The following IGF1R variants were observed in gnomAD, a reference collection of about 807,000 sequenced individuals.
The protein encoded by IGF1R is insulin like growth factor 1 receptor, also known as insulin-like growth factor 1 receptor.
In IGF1R, 44 loss-of-function variants were observed where a neutral mutation model predicts 144.6. That is an observed-to-expected ratio of 0.30 (90% CI 0.24 to 0.39). The LOEUF is 0.39. Ranked by LOEUF, IGF1R falls within the 10% of genes least tolerant of loss-of-function variation. The probability of loss-of-function intolerance (pLI) is 1.00; values close to 1 mark genes in which losing one functional copy is unlikely to be tolerated. For synonymous variants in IGF1R, 795 were observed against 722.8 expected, an observed-to-expected ratio of 1.10 and a Z score of -1.60; for missense variants, 1,355 against 1,833.7, an observed-to-expected ratio of 0.74 and a Z score of 4.77.
intron 20 of IGF1R, 23 bp downstream of exon 20, chr15:98,948,731 G>A (rs772264183): frequency 9.3e-6 from 15 of 1,613,190 alleles, no homozygotes; most frequent in African/African-American, 2.7e-5. Context: ...TGGGCCCTCC[G>A]TGCTCTTCTG....
chr15:98,685,704 G>T, intron 1 of IGF1R, among the ~76,000 whole-genome samples: 1 of 152,246 alleles, frequency 6.6e-6, no homozygotes, highest in Non-Finnish European at 1.5e-5. Flanking sequence ...TGGAACAGGA[G>T]TGTGCAAGAA....
chr15:98,737,964 C>A (rs2054651385), intron 2 of IGF1R, among the ~76,000 whole-genome samples: 1 of 152,158 alleles, frequency 6.6e-6, no homozygotes. Flanking sequence ...GCAGCCGTTC[C>A]CACTGCCTTG....
intron 2 of IGF1R, among the ~76,000 whole-genome samples, chr15:98,728,723 C>A (rs1015385534): frequency 6.6e-6 from 1 of 152,248 alleles, no homozygotes; most frequent in Non-Finnish European, 1.5e-5. Context: ...TCTGCACTCT[C>A]CCGAGGCCAG....
intron 2 of IGF1R, among the ~76,000 whole-genome samples, chr15:98,774,077 C>T (rs1370325284): frequency 6.6e-6 from 1 of 152,160 alleles, no homozygotes; most frequent in African/African-American, 2.4e-5. Flanking sequence ...TCAGAAATAG[C>T]TGAAGAACTA....
intron 4 of IGF1R, among the ~76,000 whole-genome samples, chr15:98,897,838 C>T (rs1021831661): frequency 6.6e-6 from 1 of 151,776 alleles, no homozygotes; most frequent in Non-Finnish European, 1.5e-5. Context: ...GGTCAAGGTA[C>T]TGATAGTTTT....
Position 98,805,291 on chromosome 15 carries a change from C to T in IGF1R, c.641-86034C>T, listed in dbSNP as rs146964931. Among the ~76,000 whole-genome samples the T allele has an allele frequency of 2.3e-3, 343 of 152,256 alleles. 1 individual carries two copies. Among genetic ancestry groups the T allele is most frequent in the African/African-American group, 7.7e-3 (322 of 41,562 alleles). On this transcript the variant is annotated intron_variant, in intron 2 of 20. Transcript: ENST00000650285. ...TTCTGATAGGTCTTATTCTCCTCCC[C>T]ATCCCACACGCTGATTTTTTTTTTC...
intron 1 of IGF1R, among the ~76,000 whole-genome samples, chr15:98,675,389 G>A (rs1279168245): frequency 6.6e-6 from 1 of 152,166 alleles, no homozygotes; most frequent in Non-Finnish European, 1.5e-5. Flanking sequence ...ATTCCTAAAA[G>A]TGGAAAGTAA....
chr15:98,860,321 A>C (rs2012078911), intron 2 of IGF1R, among the ~76,000 whole-genome samples: 1 of 152,234 alleles, frequency 6.6e-6, no homozygotes, highest in South Asian at 2.1e-4. Context: ...TCCTAGTAGA[A>C]ATGTGGATCT....
intron 5 of IGF1R, among the ~76,000 whole-genome samples, chr15:98,899,851 C>T (rs1343917431): frequency 1.3e-5 from 2 of 152,146 alleles, no homozygotes; most frequent in African/African-American, 2.4e-5. Context: ...CTGGATTTTG[C>T]CTCATCAGTC....
In IGF1R at chr15:98,706,122, T is replaced by C. The variant is rs908122576; in HGVS notation, c.95-1440T>C. Among the ~76,000 whole-genome samples, 3 of 152,234 alleles carry C rather than the reference T, an allele frequency of 2.0e-5. No homozygotes were observed. In the South Asian group the frequency reaches 6.2e-4, roughly 32 times the overall value. ...ATTCACATCTAGAGTGGACTCGCTG[T>C]GTGCACACCACTGACCACCTGCCTC... On this transcript the variant is annotated intron_variant, in intron 1 of 20. Coordinates refer to ENST00000650285, the MANE Select transcript of IGF1R (RefSeq NM_000875.5).
In IGF1R at chr15:98,682,195, C is replaced by T. The variant is rs868064174; in HGVS notation, c.95-25367C>T. ...GTTGGAAATGATTTTGAGTAACTTC[C>T]GTCTCCTAAATCATATTAGGACTCT... On this transcript the variant is annotated intron_variant, in intron 1 of 20. Transcript: ENST00000650285. Among the ~76,000 whole-genome samples the T allele has an allele frequency of 3.9e-5, 6 of 152,114 alleles. No individual in the cohort carries two copies. The South Asian group carries it at 8.3e-4, about 21-fold the overall frequency.
intron 2 of IGF1R, among the ~76,000 whole-genome samples, chr15:98,708,685 G>A (rs2053923219): frequency 2.0e-5 from 3 of 152,172 alleles, no homozygotes; most frequent in Non-Finnish European, 4.4e-5. Flanking sequence ...CAGAGCACCT[G>A]GCCCAGGTGG....
chr15:98,652,613 T>C (rs1303683342), intron 1 of IGF1R, among the ~76,000 whole-genome samples: 3 of 152,200 alleles, frequency 2.0e-5, no homozygotes, highest in Non-Finnish European at 4.4e-5. Flanking sequence ...TAAGGTTGAA[T>C]AGATGAAGCT....
intron 2 of IGF1R, among the ~76,000 whole-genome samples, chr15:98,806,628 C>T (rs2056477655): frequency 6.6e-6 from 1 of 152,206 alleles, no homozygotes; most frequent in Non-Finnish European, 1.5e-5. Context: ...GTTTTCAACA[C>T]TGTGAAAAGA....
chr15:98,772,355 A>C (rs2055606195), intron 2 of IGF1R, among the ~76,000 whole-genome samples: 1 of 152,016 alleles, frequency 6.6e-6, no homozygotes, highest in Admixed American at 6.6e-5. Context: ...TTTCAAATTG[A>C]GTTCTCATAG....
intron 2 of IGF1R, among the ~76,000 whole-genome samples, chr15:98,818,386 C>T (rs1266626549): frequency 6.6e-6 from 1 of 152,088 alleles, no homozygotes; most frequent in Non-Finnish European, 1.5e-5. Flanking sequence ...GAGTGGCACA[C>T]TGATTTCTAC....
chr15:98,926,665 A>G (rs1316548486), intron 13 of IGF1R, among the ~76,000 whole-genome samples: 3 of 152,212 alleles, frequency 2.0e-5, no homozygotes, highest in Non-Finnish European at 4.4e-5. Context: ...TGATATCTGA[A>G]AATCCTAATA....
chr15:98,794,031 G>A (rs779683296), intron 2 of IGF1R, among the ~76,000 whole-genome samples: 3 of 152,196 alleles, frequency 2.0e-5, no homozygotes, highest in East Asian at 1.9e-4. Flanking sequence ...GGTAGCAGCC[G>A]TAACAAGTGT....
intron 2 of IGF1R, among the ~76,000 whole-genome samples, chr15:98,814,140 A>G (rs2056647490): frequency 6.6e-6 from 1 of 152,216 alleles, no homozygotes; most frequent in Admixed American, 6.5e-5. Flanking sequence ...TTAACCATAC[A>G]TAGCAAATGG....
Sources: allele counts gnomAD v4.1 joint callset (sites outside exome capture counted in the v4.1 genomes callset), GRCh38; gene constraint gnomAD v4.1.1; transcripts MANE v1.5; gene names NCBI Gene and HGNC (gene_info 2026-07-23, HGNC 2026-07-21).